The following KIF1A variants were observed in gnomAD, a reference collection of about 807,000 sequenced individuals.
The protein encoded by KIF1A is kinesin family member 1A, also known as kinesin-like protein KIF1A.
In KIF1A, 46 loss-of-function variants were observed where a neutral mutation model predicts 227.3. The observed-to-expected ratio is 0.20, with a 90% CI of 0.16 to 0.26. The LOEUF (loss-of-function observed/expected upper bound fraction) is 0.26. Among genes scored for constraint, KIF1A ranks in the 10% least tolerant of loss-of-function variants. The pLI is 1.00. For missense variants in KIF1A, 1,683 were observed against 2,485.9 expected, an observed-to-expected ratio of 0.68 and a Z score of 6.87; for synonymous variants, 1,022 against 1,012.8, an observed-to-expected ratio of 1.01 and a Z score of -0.17.
rs1462499382 is a variant in KIF1A at position 240,775,544 on chromosome 2, G to A, written c.958+307C>T. On this transcript the variant is annotated intron_variant, in intron 11 of 48. Coordinates refer to ENST00000498729, the MANE Select transcript of KIF1A (RefSeq NM_001244008.2). The surrounding 1 kb of genome is among the most constrained non-coding windows in gnomAD (Gnocchi z 5.5). ...GATGGGGAAACCAAGGCCCAGAGAA[G>A]GATGAGTACTTGGCCTGGGTGTCAC... Among the ~76,000 whole-genome samples, 2 of 152,204 alleles carry A rather than the reference G, an allele frequency of 1.3e-5. No individual in the cohort carries two copies. The highest frequency in any genetic ancestry group is 6.5e-5 in the Admixed American group (1 of 15,288).
rs565992344 is a variant in KIF1A, at chr2:240,787,257, G to A, written c.423C>T (p.Ser141=). 404 of 1,612,916 alleles carry A rather than the reference G, an allele frequency of 2.5e-4. 4 individuals carry two copies. In the South Asian group the frequency reaches 3.2e-3, roughly 13 times the overall value. Residue 141 remains serine, a synonymous_variant, in exon 5 of 49, where the codon TCC becomes TCT. Transcript: ENST00000498729. The stretch of plus-strand genomic sequence containing the variant: ...GGCAGGCGGGGAGCCCTACCTCCAC[G>A]GAGTAGGACATGTTGTCGTTGGTCG... ...NDTTNDNMSY[S]VEVSYMEIYC...
intron 10 of KIF1A, among the ~76,000 whole-genome samples, chr2:240,777,237 G>T (rs961466582): frequency 6.6e-6 from 1 of 152,064 alleles, no homozygotes; most frequent in African/African-American, 2.4e-5. Flanking sequence ...GTAGAGACAG[G>T]GTTTCACCAC....
In KIF1A at chr2:240,717,034, A is replaced by C. The variant is rs1341752661; in HGVS notation, c.*330T>G. On this transcript the variant is annotated 3_prime_UTR_variant, in exon 49 of 49. Transcript: ENST00000498729. ...GTTGACTGTTTCAATGTCACTAACT[A>C]ACGTATATTAATTATAAGTCTGTCT... 1.2e-5 allele frequency: 4 copies of C among 330,936 alleles called. No homozygotes were observed. The East Asian group carries it at 1.9e-4, about 16-fold the overall frequency. 20.5% of individuals were successfully genotyped at this position (330,936 alleles called of 1,614,324 possible).
At chr2:240,805,083 GAGGGA>G (rs2057290748) in intron 1 of KIF1A, among the ~76,000 whole-genome samples, 3 of 67,748 alleles carry the variant, frequency 4.4e-5, no homozygotes, top group African/African-American at 1.5e-4. Flanking sequence ...AGGGAGAGGG[GAGGGA>G]GAGGGGAGGG....
At chr2:240,782,279 T>C in intron 10 of KIF1A, 1 of 853,688 alleles carries the variant, frequency 1.2e-6, no homozygotes, top group Non-Finnish European at 1.4e-6. Context: ...GAGGGGCTCC[T>C]CCGCGCCCCT....
intron 45 of KIF1A, chr2:240,720,613 T>G (rs1408598095): frequency 4.1e-6 from 1 of 243,842 alleles, no homozygotes; most frequent in African/African-American, 2.2e-5. Context: ...AACCTTTTCT[T>G]TTTCCATTAT....
intron 17 of KIF1A, among the ~76,000 whole-genome samples, chr2:240,768,092 C>T (rs1002383010): frequency 1.3e-5 from 2 of 152,212 alleles, no homozygotes; most frequent in African/African-American, 4.8e-5. Context: ...CTGGCCTGTG[C>T]ACGTCTCGTG....
At chr2:240,767,394 G>C in intron 17 of KIF1A, 49 bp from the exon 18 acceptor site, 1 of 1,482,188 alleles carries the variant, frequency 6.7e-7, no homozygotes, top group Non-Finnish European at 9.4e-7. Flanking sequence ...GCAGGAGCCT[G>C]ATGCTGGCCA....
chr2:240,725,291 C>A lies in KIF1A; in HGVS notation c.4236G>T (p.Gly1412=), dbSNP rs1398284516. Residue 1412 remains glycine (G), a synonymous_variant, in exon 40 of 49, where the codon GGG becomes GGT. Transcript: ENST00000498729. The surrounding 1 kb of genome is among the most constrained non-coding windows in gnomAD (Gnocchi z 5.8). ...SRSIRNLFGS[G]SLRASESNRV... is the part of the protein sequence containing the mutation. ...CTTACCTCTCTGAGGCCCGAAGGCT[C>A]CCACTGCCAAAGAGGTTGCGGATGG... 2 of 1,606,848 alleles carry A rather than the reference C, an allele frequency of 1.2e-6. No homozygotes were observed. Among genetic ancestry groups the A allele is most frequent in the Admixed American group, 3.4e-5 (2 of 59,208 alleles).
At position 240,819,707 on chromosome 2, in the gene KIF1A, G is replaced by GCGCAGCCCCTCC. The variant is rs1351721478; in HGVS notation, c.-61+403_-61+414dup. Among the ~76,000 whole-genome samples, 680 of 151,596 alleles carry GCGCAGCCCCTCC rather than the reference G, an allele frequency of 4.5e-3. 7 individuals are homozygous for GCGCAGCCCCTCC. The highest frequency in any genetic ancestry group is 0.016 in the African/African-American group (658 of 41,334). On this transcript the variant is annotated intron_variant, in intron 1 of 48. Coordinates refer to ENST00000498729, the MANE Select transcript of KIF1A (RefSeq NM_001244008.2). Reference sequence around the variant, plus strand: ...ATCCCTCCCCTCCCCCGCCGTCTGGGCGCAGCCCCTCCCGCAGCCCCGCCG... The same window carrying GCGCAGCCCCTCC: ...ATCCCTCCCCTCCCCCGCCGTCTGGGCGCAGCCCCTCCCGCAGCCCCTCCCGCAGCCCCGCCG...
chr2:240,735,767 A>C (rs1348176983), intron 38 of KIF1A, among the ~76,000 whole-genome samples: 1 of 152,134 alleles, frequency 6.6e-6, no homozygotes, highest in African/African-American at 2.4e-5. Flanking sequence ...GGCACGGGGA[A>C]GCCCCAAGCC....
chr2:240,798,419 CAGA>C (rs1170177176), intron 1 of KIF1A, among the ~76,000 whole-genome samples: 1 of 152,224 alleles, frequency 6.6e-6, no homozygotes, highest in Non-Finnish European at 1.5e-5. Context: ...GTAATTCACG[CAGA>C]AGGTGGAGAG....
rs2046009542 is a variant in KIF1A, at chr2:240,726,437, C to G, written c.4122+389G>C. ...AACAGCCTGGCCAACATGGCAAAAC[C>G]CCATCTCTACTAAAAGTTCAAAAAT... On this transcript the variant is annotated intron_variant, in intron 39 of 48. Transcript: ENST00000498729. This position sits in a 1 kb window ranked among gnomAD's most constrained non-coding sequence, Gnocchi z 5.2. Among the ~76,000 whole-genome samples the G allele has an allele frequency of 6.6e-6, 1 of 152,136 alleles. No individual in the cohort carries two copies. Among genetic ancestry groups the G allele is most frequent in the Non-Finnish European group, 1.5e-5 (1 of 68,026 alleles).
At position 240,758,640 on chromosome 2, in the gene KIF1A, T is replaced by A; in HGVS notation, c.2445-143A>T. The A allele has an allele frequency of 1.2e-6, 1 of 808,760 alleles. No homozygotes were observed. Among genetic ancestry groups the A allele is most frequent in the Non-Finnish European group, 1.8e-6 (1 of 565,810 alleles). 50.1% of individuals were successfully genotyped at this position (808,760 alleles called of 1,614,324 possible). On this transcript the variant is annotated intron_variant, in intron 25 of 48. Coordinates refer to ENST00000498729, the MANE Select transcript of KIF1A (RefSeq NM_001244008.2). The surrounding 1 kb of genome is among the most constrained non-coding windows in gnomAD (Gnocchi z 5.2). ...CAGGGTCATCAAGGTCCAGGGGGCT[T>A]GCTAGACAGACCCCCTCTGTGACCC...
chr2:240,721,003 C>T lies in KIF1A; in HGVS notation c.4779G>A (p.Pro1593=), dbSNP rs757313706. 8.1e-6 allele frequency: 13 copies of T among 1,610,952 alleles called. No individual in the cohort carries two copies. The East Asian group carries it at 1.3e-4, about 17-fold the overall frequency. The change falls in exon 45 of 49, where the codon CCG becomes CCA. Residue 1593 remains proline, a synonymous_variant. Coordinates refer to ENST00000498729, the MANE Select transcript of KIF1A (RefSeq NM_001244008.2). ...TGGCCACCCCTAGAGGGGACATCGA[C>T]GGGTCCCGGAGCAGGGTGACAGACA... ...SEMSVTLLRD[P]SMSPLGVATL... is the part of the protein sequence containing the mutation.
At chr2:240,783,209 G>A in intron 8 of KIF1A, 100 bp from the exon 9 acceptor site, 1 of 909,482 alleles carries the variant, frequency 1.1e-6, no homozygotes, top group Admixed American at 1.8e-5. Flanking sequence ...GTGGAGTGGA[G>A]GCCACCACTG....
At chr2:240,745,930 A>G in intron 30 of KIF1A, 21 bp from the exon 31 acceptor site, 5 of 1,595,460 alleles carry the variant, frequency 3.1e-6, no homozygotes, top group Non-Finnish European at 4.3e-6. Flanking sequence ...TCAAGGAGAG[A>G]GTCATGGACC....
intron 1 of KIF1A, among the ~76,000 whole-genome samples, chr2:240,801,579 G>A (rs1375964884): frequency 1.3e-5 from 2 of 152,208 alleles, no homozygotes; most frequent in East Asian, 3.8e-4. Flanking sequence ...GAATGTTTGT[G>A]TCCCCTGTTC....
chr2:240,763,438 G>T, intron 20 of KIF1A, 92 bp from the exon 21 acceptor site: 1 of 1,240,522 alleles, frequency 8.1e-7, no homozygotes, highest in Non-Finnish European at 1.1e-6. Context: ...AAAGGGGAAC[G>T]GGTGCAGGCA....
Sources: allele counts gnomAD v4.1 joint callset (sites outside exome capture counted in the v4.1 genomes callset), GRCh38; gene constraint gnomAD v4.1.1; non-coding constraint Gnocchi (gnomAD v3.1); transcripts MANE v1.5; gene names NCBI Gene and HGNC (gene_info 2026-07-23, HGNC 2026-07-21).